The following SORCS2 variants were observed in gnomAD, a reference collection of about 807,000 sequenced individuals.
SORCS2 encodes sortilin related VPS10 domain containing receptor 2.
In SORCS2, 100 loss-of-function variants were observed where a neutral mutation model predicts 141.6. That is an observed-to-expected ratio of 0.71 (90% CI 0.60 to 0.83). SORCS2 has a LOEUF of 0.83. Among genes scored for constraint, SORCS2 ranks in the 40% least tolerant of loss-of-function variants. The pLI is 0.00. For missense variants in SORCS2, 1,646 were observed against 1,560.2 expected (o/e 1.05, Z -0.93); for synonymous variants, 789 against 676.9 (o/e 1.17, Z -2.57).
At chr4:7,480,027 C>T (rs761830738) in intron 2 of SORCS2, among the ~76,000 whole-genome samples, 3 of 152,230 alleles carry the variant, frequency 2.0e-5, no homozygotes, top group Non-Finnish European at 2.9e-5. Context: ...CTGCCAGCCT[C>T]GCCATGTGGC....
intron 1 of SORCS2, among the ~76,000 whole-genome samples, chr4:7,274,668 T>C (rs1715366765): frequency 6.6e-6 from 1 of 152,048 alleles, no homozygotes; most frequent in Non-Finnish European, 1.5e-5. Flanking sequence ...CCTCCAACAT[T>C]GGGGATTACA....
intron 2 of SORCS2, among the ~76,000 whole-genome samples, chr4:7,475,302 G>A (rs928049093): frequency 6.6e-6 from 1 of 152,182 alleles, no homozygotes; most frequent in Admixed American, 6.5e-5. Context: ...TGGAGAGCTG[G>A]TCATGGTGGG....
At chr4:7,249,488 G>A (rs1713336797) in intron 1 of SORCS2, among the ~76,000 whole-genome samples, 1 of 152,166 alleles carries the variant, frequency 6.6e-6, no homozygotes, top group African/African-American at 2.4e-5. Flanking sequence ...TCAAGGGGAG[G>A]GGACATATTC....
chr4:7,498,552 C>T (rs1439617979), intron 2 of SORCS2, among the ~76,000 whole-genome samples: 7 of 152,242 alleles, frequency 4.6e-5, no homozygotes, highest in African/African-American at 1.4e-4. Flanking sequence ...GTGCAGAGAG[C>T]ACGCCCTGCC....
intron 14 of SORCS2, among the ~76,000 whole-genome samples, chr4:7,706,971 C>A (rs35794877): frequency 0.48 from 72,393 of 151,822 alleles, 17,527 homozygotes; most frequent in Admixed American, 0.54. Flanking sequence ...CACCCGTCAC[C>A]CCCACCCACC....
intron 3 of SORCS2, among the ~76,000 whole-genome samples, chr4:7,560,762 A>C (rs1351726563): frequency 6.6e-6 from 1 of 152,088 alleles, no homozygotes; most frequent in African/African-American, 2.4e-5. Flanking sequence ...GCTTTGCCCG[A>C]CATTCCATTC....
chr4:7,316,880 C>A (rs976464005), intron 1 of SORCS2, among the ~76,000 whole-genome samples: 1 of 152,176 alleles, frequency 6.6e-6, no homozygotes, highest in African/African-American at 2.4e-5. Flanking sequence ...TGACCACTCT[C>A]AAGCTCCTGA....
Position 7,215,512 on chromosome 4 carries a change from C to T in SORCS2, c.480+22386C>T, listed in dbSNP as rs370587953. On this transcript the variant is annotated intron_variant, in intron 1 of 26. Transcript: ENST00000507866. ...TCGACCACCCAAGGGCTGAGGAGTG[C>T]GAGTGCATGGCGCCGGACTGGCAGG... Among the ~76,000 whole-genome samples, 91 of 152,378 alleles carry T rather than the reference C, an allele frequency of 6.0e-4. No individual in the cohort carries two copies. The East Asian group carries it at 0.016, about 27-fold the overall frequency.
chr4:7,333,646 C>T (rs905975446), intron 1 of SORCS2, among the ~76,000 whole-genome samples: 8 of 152,312 alleles, frequency 5.3e-5, no homozygotes, highest in Non-Finnish European at 1.0e-4. Context: ...ACTGCGTGTG[C>T]CATTGCTTCC....
At chr4:7,327,715 G>A (rs1038900191) in intron 1 of SORCS2, among the ~76,000 whole-genome samples, 1 of 152,144 alleles carries the variant, frequency 6.6e-6, no homozygotes, top group African/African-American at 2.4e-5. Flanking sequence ...CAGACCCTTT[G>A]GTGTCCTTCG....
At chr4:7,340,373 A>G (rs1720298013) in intron 1 of SORCS2, among the ~76,000 whole-genome samples, 1 of 152,236 alleles carries the variant, frequency 6.6e-6, no homozygotes, top group Non-Finnish European at 1.5e-5. Flanking sequence ...TGCTAAAACC[A>G]AGACAGTCCA....
At chr4:7,420,581 G>A (rs1000969642) in intron 2 of SORCS2, among the ~76,000 whole-genome samples, 1 of 152,186 alleles carries the variant, frequency 6.6e-6, no homozygotes, top group Non-Finnish European at 1.5e-5. Context: ...GGTGTCCAGT[G>A]TGGCCATGGA....
chr4:7,501,696 G>A (rs1451104955), intron 2 of SORCS2, among the ~76,000 whole-genome samples: 1 of 152,182 alleles, frequency 6.6e-6, no homozygotes, highest in Non-Finnish European at 1.5e-5. Flanking sequence ...CTGTGTGTCT[G>A]GAGACTGAAG....
chr4:7,417,250 C>T (rs1725761096), intron 2 of SORCS2, among the ~76,000 whole-genome samples: 1 of 152,104 alleles, frequency 6.6e-6, no homozygotes, highest in Non-Finnish European at 1.5e-5. Flanking sequence ...AGGGATGATG[C>T]TCTTTTTATA....
At chr4:7,400,975 A>G (rs1048379506) in intron 2 of SORCS2, among the ~76,000 whole-genome samples, 3 of 152,008 alleles carry the variant, frequency 2.0e-5, no homozygotes. Flanking sequence ...GGATGGATGA[A>G]TGGATAGATG....
rs1417682187 is a variant in SORCS2 at position 7,349,257 on chromosome 4, G to T, written c.481-47031G>T. Among the ~76,000 whole-genome samples the T allele has an allele frequency of 2.6e-5, 4 of 152,286 alleles. No individual in the cohort carries two copies. The East Asian group carries it at 7.7e-4, about 29-fold the overall frequency. On this transcript the variant is annotated intron_variant, in intron 1 of 26. Transcript: ENST00000507866. ...CACTCATGCCCTGTCCACCCCTGCC[G>T]TAGGGAGCAGAAGGCCCCTCTGCCC...
intron 1 of SORCS2, among the ~76,000 whole-genome samples, chr4:7,337,094 T>C (rs936376982): frequency 1.3e-5 from 2 of 152,180 alleles, no homozygotes; most frequent in South Asian, 2.1e-4. Context: ...TCAGAGTCCA[T>C]GTCATGACCC....
intron 2 of SORCS2, among the ~76,000 whole-genome samples, chr4:7,476,482 A>G (rs1286588170): frequency 1.3e-5 from 2 of 152,108 alleles, no homozygotes; most frequent in African/African-American, 4.8e-5. Flanking sequence ...CTCCTTTACC[A>G]AAGTCCTCCA....
chr4:7,513,972 T>C (rs943845633), intron 2 of SORCS2, among the ~76,000 whole-genome samples: 4 of 152,182 alleles, frequency 2.6e-5, no homozygotes, highest in Admixed American at 2.6e-4. Flanking sequence ...TGTGGGTGGC[T>C]TTCCCCGTAC....
Sources: allele counts gnomAD v4.1 joint callset (sites outside exome capture counted in the v4.1 genomes callset), GRCh38; gene constraint gnomAD v4.1.1; transcripts MANE v1.5; gene names NCBI Gene and HGNC (gene_info 2026-07-23, HGNC 2026-07-21).